The following ADCY8 variants were observed in gnomAD, a reference collection of about 807,000 sequenced individuals.
The protein encoded by ADCY8 is adenylate cyclase type 8.
Under a neutral mutation model 119.7 loss-of-function variants are expected in ADCY8, and 51 were observed. The observed-to-expected ratio is 0.43, with a 90% confidence interval of 0.34 to 0.54. The LOEUF (loss-of-function observed/expected upper bound fraction) is 0.54, where lower values mean the gene tolerates loss of function less well. Among genes scored for constraint, ADCY8 ranks in the 20% least tolerant of loss-of-function variants. The pLI is 0.03. For synonymous variants in ADCY8, 665 were observed against 651.0 expected (o/e 1.02, Z -0.33); for missense variants, 1,383 against 1,598.8 (o/e 0.87, Z 2.30).
chr8:130,893,032 T>C (rs988915913), intron 7 of ADCY8, among the ~76,000 whole-genome samples: 2 of 152,170 alleles, frequency 1.3e-5, no homozygotes, highest in South Asian at 4.1e-4. Context: ...AAGATTCTCA[T>C]CTCAGTTTGG....
At chr8:131,038,636 T>C (rs891095773) in intron 1 of ADCY8, among the ~76,000 whole-genome samples, 12 of 152,218 alleles carry the variant, frequency 7.9e-5, no homozygotes, top group African/African-American at 2.6e-4. Flanking sequence ...TCCACCTAAA[T>C]ATAATATTTA....
intron 7 of ADCY8, among the ~76,000 whole-genome samples, chr8:130,886,637 C>G (rs879459870): frequency 6.6e-6 from 1 of 152,048 alleles, no homozygotes; most frequent in African/African-American, 2.4e-5. Flanking sequence ...CTCGTCTGAC[C>G]ATACATTCTG....
At chr8:130,952,619 T>G (rs536641905) in intron 2 of ADCY8, among the ~76,000 whole-genome samples, 51 of 152,284 alleles carry the variant, frequency 3.3e-4, no homozygotes, top group African/African-American at 1.2e-3. Flanking sequence ...TGAAAGCCAC[T>G]AAATGGTACT....
chr8:130,835,605 A>G (rs1816961809), intron 12 of ADCY8, among the ~76,000 whole-genome samples: 1 of 151,978 alleles, frequency 6.6e-6, no homozygotes, highest in Non-Finnish European at 1.5e-5. Flanking sequence ...GTACTTTTCT[A>G]TATTTCAGCA....
At chr8:130,957,694 A>C (rs1821472660) in intron 2 of ADCY8, among the ~76,000 whole-genome samples, 2 of 152,230 alleles carry the variant, frequency 1.3e-5, no homozygotes, top group Admixed American at 6.5e-5. Context: ...TACTGTGTGC[A>C]GCCTAGGGAC....
intron 5 of ADCY8, among the ~76,000 whole-genome samples, chr8:130,929,016 T>C (rs961119310): frequency 6.6e-6 from 1 of 152,158 alleles, no homozygotes; most frequent in Non-Finnish European, 1.5e-5. Context: ...TCAGTTCTGG[T>C]AGATTGCATG....
At position 130,896,468 on chromosome 8, in the gene ADCY8, A is replaced by C. The variant is rs145295270; in HGVS notation, c.1911+7304T>G. Among the ~76,000 whole-genome samples, 40 of 152,260 alleles carry C rather than the reference A, an allele frequency of 2.6e-4. 1 individual carries two copies. The East Asian group carries it at 7.7e-3, about 29-fold the overall frequency. The stretch of plus-strand genomic sequence containing the variant: ...TTCACAAAAAAGAGGCTTGCCCCTT[A>C]GTTTGAATCCACCCTTTAGGGGCAG... On this transcript the variant is annotated intron_variant, in intron 7 of 17. Coordinates refer to ENST00000286355, the MANE Select transcript of ADCY8 (RefSeq NM_001115.3).
At chr8:131,017,655 T>C (rs1823523250) in intron 1 of ADCY8, among the ~76,000 whole-genome samples, 1 of 152,194 alleles carries the variant, frequency 6.6e-6, no homozygotes, top group East Asian at 1.9e-4. Context: ...CTGTGCTCAC[T>C]GATATCCACC....
chr8:130,950,518 T>A (rs1303102639), intron 3 of ADCY8, among the ~76,000 whole-genome samples: 1 of 152,124 alleles, frequency 6.6e-6, no homozygotes, highest in Non-Finnish European at 1.5e-5. Context: ...CAGGGTTGAT[T>A]GCACAAGCAA....
At chr8:130,800,105 G>A (rs1294164316) in intron 15 of ADCY8, among the ~76,000 whole-genome samples, 1 of 152,170 alleles carries the variant, frequency 6.6e-6, no homozygotes, top group Non-Finnish European at 1.5e-5. Flanking sequence ...CCTCTGTGGT[G>A]TCAGTGCTTG....
rs1192682367 is a variant in ADCY8 at position 130,897,125 on chromosome 8, C to A, written c.1911+6647G>T. ...CTTCCACTATCATATGTGCAAATTT[C>A]AATTCCTGCAGAGATTTACTCAAAG... On this transcript the variant is annotated intron_variant, in intron 7 of 17. Transcript: ENST00000286355. 2.6e-5 allele frequency among the ~76,000 whole-genome samples: 4 copies of A among 152,040 alleles called. No individual in the cohort carries two copies. In the East Asian group the frequency reaches 7.7e-4, roughly 29 times the overall value.
chr8:130,845,920 C>T (rs1817281683), intron 11 of ADCY8, among the ~76,000 whole-genome samples: 1 of 152,100 alleles, frequency 6.6e-6, no homozygotes, highest in Non-Finnish European at 1.5e-5. Flanking sequence ...GTGGCCCTAA[C>T]CAGCACTGAG....
In ADCY8 at chr8:130,892,064, C is replaced by G. The variant is rs75784482; in HGVS notation, c.1912-7303G>C. The G allele has an allele frequency of 1.3e-4, 20 of 152,222 alleles. No homozygotes were observed. In the East Asian group the frequency reaches 3.5e-3, roughly 26 times the overall value. The allele number at this position is 152,222 out of a possible 1,614,324, so 9.4% of individuals were successfully genotyped here. On this transcript the variant is annotated intron_variant, in intron 7 of 17. Transcript: ENST00000286355. ...ACGAGATCTTATTGTGGGAGAAGGT[C>G]TGTGGGATTCTGCTATGGAAAGCGG...
At chr8:130,802,692 T>C (rs1446988941) in intron 14 of ADCY8, among the ~76,000 whole-genome samples, 4 of 152,260 alleles carry the variant, frequency 2.6e-5, no homozygotes, top group Admixed American at 6.5e-5. Flanking sequence ...TGTCTGATGC[T>C]GTAGGTGCTC....
At chr8:130,904,363 T>A (rs1171360456) in intron 6 of ADCY8, among the ~76,000 whole-genome samples, 1 of 78,104 alleles carries the variant, frequency 1.3e-5, no homozygotes, top group Non-Finnish European at 2.8e-5. Context: ...TACAAAACAG[T>A]GATTTTTTTT....
chr8:130,893,831 G>A (rs943964611), intron 7 of ADCY8, among the ~76,000 whole-genome samples: 4 of 142,428 alleles, frequency 2.8e-5, no homozygotes, highest in African/African-American at 1.1e-4. Flanking sequence ...TGTGTTTGTG[G>A]GTGTGCATGT....
At chr8:130,978,406 C>T (rs1024926127) in intron 2 of ADCY8, among the ~76,000 whole-genome samples, 8 of 152,100 alleles carry the variant, frequency 5.3e-5, no homozygotes, top group African/African-American at 1.7e-4. Flanking sequence ...TCATCAAAAA[C>T]TAGCCTCTAA....
chr8:130,936,581 T>G (rs979552733), intron 5 of ADCY8, among the ~76,000 whole-genome samples: 1 of 152,176 alleles, frequency 6.6e-6, no homozygotes, highest in African/African-American at 2.4e-5. Flanking sequence ...CAAGATCCTG[T>G]CAATGTCCAC....
intron 7 of ADCY8, among the ~76,000 whole-genome samples, chr8:130,886,384 A>G (rs1277609269): frequency 6.6e-6 from 1 of 152,050 alleles, no homozygotes. Context: ...AGCAGAGACA[A>G]GGAGGCCAGA....
Sources: gnomAD v4.1 joint callset for allele counts (sites outside exome capture counted in the v4.1 genomes callset) on GRCh38, gnomAD v4.1.1 for gene constraint, MANE v1.5 for transcripts, NCBI Gene and HGNC (gene_info 2026-07-23, HGNC 2026-07-21) for gene names.